Variants in RALYL observed in about 807,000 individuals in gnomAD.
RALYL encodes RALY RNA binding protein like.
A neutral mutation model predicts 35.1 loss-of-function variants in RALYL; 29 were observed. That is an observed-to-expected ratio of 0.83 (90% CI 0.61 to 1.13). RALYL has a LOEUF of 1.13. RALYL is among the 50% of genes most tolerant of loss of function. The probability of loss-of-function intolerance (pLI) is 0.00; values close to 1 mark genes in which losing one functional copy is unlikely to be tolerated. For missense variants in RALYL, 359 were observed against 360.4 expected, an observed-to-expected ratio of 1.00 and a Z score of 0.03; for synonymous variants, 120 against 127.6, an observed-to-expected ratio of 0.94 and a Z score of 0.40.
chr8:84,539,854 G>T, intron 2 of RALYL, among the ~76,000 whole-genome samples: 1 of 24,202 alleles, frequency 4.1e-5, no homozygotes, highest in Non-Finnish European at 1.1e-4. Context: ...ATATATATAT[G>T]TATATATATA....
chr8:84,214,565 A>G (rs1420871306), intron 1 of RALYL, among the ~76,000 whole-genome samples: 1 of 152,168 alleles, frequency 6.6e-6, no homozygotes, highest in African/African-American at 2.4e-5. Flanking sequence ...AATTTTTCAA[A>G]TACTGTGAGA....
At chr8:84,641,788 T>TAAAAAA (rs59556525) in intron 2 of RALYL, among the ~76,000 whole-genome samples, 1 of 119,218 alleles carries the variant, frequency 8.4e-6, no homozygotes, top group Non-Finnish European at 1.8e-5. Flanking sequence ...GTCTTATTTG[T>TAAAAAA]AAAAAAAAAA....
chr8:84,516,028 G>C, intron 1 of RALYL, among the ~76,000 whole-genome samples: 1 of 149,452 alleles, frequency 6.7e-6, no homozygotes, highest in Non-Finnish European at 1.5e-5. Context: ...GGTAGGGGGC[G>C]GTGTGGGGTG....
chr8:84,226,157 T>C (rs1006611310), intron 1 of RALYL, among the ~76,000 whole-genome samples: 3 of 152,132 alleles, frequency 2.0e-5, no homozygotes, highest in African/African-American at 7.2e-5. Context: ...CATAGGAGCG[T>C]GAACCCTATT....
At chr8:84,228,154 C>CAAAA (rs57543989) in intron 1 of RALYL, among the ~76,000 whole-genome samples, 3 of 123,786 alleles carry the variant, frequency 2.4e-5, no homozygotes, top group Non-Finnish European at 5.3e-5. Flanking sequence ...AATAGTCTAG[C>CAAAA]AAAAAAAAAA....
chr8:84,570,349 A>T (rs1946049157), intron 2 of RALYL, among the ~76,000 whole-genome samples: 1 of 151,490 alleles, frequency 6.6e-6, no homozygotes, highest in Non-Finnish European at 1.5e-5. Flanking sequence ...ACTATTGTAA[A>T]TGGGATTGAG....
intron 6 of RALYL, among the ~76,000 whole-genome samples, chr8:84,869,248 A>G (rs1024403578): frequency 1.3e-5 from 2 of 152,236 alleles, no homozygotes; most frequent in Non-Finnish European, 2.9e-5. Context: ...TGCATATCAC[A>G]TGACTTTGGG....
intron 1 of RALYL, among the ~76,000 whole-genome samples, chr8:84,516,051 G>C (rs1171590432): frequency 6.6e-6 from 1 of 151,594 alleles, no homozygotes; most frequent in Admixed American, 6.6e-5. Context: ...GCTGAGAGTG[G>C]GAGAGGTGGG....
intron 2 of RALYL, among the ~76,000 whole-genome samples, chr8:84,547,361 T>A (rs2135372538): frequency 6.6e-6 from 1 of 152,114 alleles, no homozygotes; most frequent in Non-Finnish European, 1.5e-5. Flanking sequence ...GTTATTTTTT[T>A]TCTTTCTTTT....
At chr8:84,694,683 C>A (rs781323767) in intron 2 of RALYL, among the ~76,000 whole-genome samples, 2 of 151,812 alleles carry the variant, frequency 1.3e-5, no homozygotes, top group East Asian at 1.9e-4. Context: ...CTGGAAGCAT[C>A]ATTTTACCTA....
rs77085067 is a variant in RALYL, at chr8:84,830,028, G to A, written c.366-19952G>A. On this transcript the variant is annotated intron_variant, in intron 4 of 8. Transcript: ENST00000521268. ...TTCAGCACTATACTGGGGGGGGGGGGGCATTTTAAGCTGCAAAATCACCAA... is the reference window on the plus strand; with the variant it reads ...TTCAGCACTATACTGGGGGGGGGGGAGCATTTTAAGCTGCAAAATCACCAA... Among the ~76,000 whole-genome samples, 119 of 115,080 alleles carry A rather than the reference G, an allele frequency of 1.0e-3. 2 individuals are homozygous for A. The highest frequency in any genetic ancestry group is 3.6e-3 in the African/African-American group (114 of 32,080). 75.5% of individuals were successfully genotyped at this position (115,080 alleles called of 152,430 possible).
intron 2 of RALYL, among the ~76,000 whole-genome samples, chr8:84,650,771 A>G (rs1370560168): frequency 6.6e-6 from 1 of 151,868 alleles, no homozygotes; most frequent in Non-Finnish European, 1.5e-5. Context: ...ACACATGCAC[A>G]CGTATGTTTA....
At chr8:84,423,693 G>A (rs1277727912) in intron 1 of RALYL, among the ~76,000 whole-genome samples, 4,364 of 151,642 alleles carry the variant, frequency 0.029, 240 homozygotes, top group African/African-American at 0.099. Context: ...GGTACCGGTT[G>A]TTCCTTTCCA....
chr8:84,346,135 G>C (rs1849787154), intron 1 of RALYL: 8 of 873,180 alleles, frequency 9.2e-6, no homozygotes, highest in Non-Finnish European at 1.1e-5. Context: ...CCCTTGGCGA[G>C]GTGCCTGGCT....
intron 1 of RALYL, among the ~76,000 whole-genome samples, chr8:84,225,411 C>T (rs10101998): frequency 0.38 from 57,497 of 152,004 alleles, 11,122 homozygotes; most frequent in Non-Finnish European, 0.43. Context: ...TTTTCATTAC[C>T]CTTAGAACAA....
chr8:84,193,640 A>G (rs2130903545), intron 1 of RALYL, among the ~76,000 whole-genome samples: 1 of 152,284 alleles, frequency 6.6e-6, no homozygotes, highest in Non-Finnish European at 1.5e-5. Context: ...ATTAACTGGT[A>G]TGGAGATAGG....
intron 2 of RALYL, among the ~76,000 whole-genome samples, chr8:84,684,976 A>G (rs1836445921): frequency 6.6e-6 from 1 of 152,124 alleles, no homozygotes; most frequent in South Asian, 2.1e-4. Context: ...GGCAGTCGCC[A>G]TTTTGCTGTG....
chr8:84,218,623 A>T (rs1158468838), intron 1 of RALYL, among the ~76,000 whole-genome samples: 1 of 151,858 alleles, frequency 6.6e-6, no homozygotes, highest in Non-Finnish European at 1.5e-5. Context: ...GTGAGGTTTC[A>T]CTCCCTCTGA....
chr8:84,361,589 T>C (rs932596943), intron 1 of RALYL, among the ~76,000 whole-genome samples: 1 of 152,176 alleles, frequency 6.6e-6, no homozygotes, highest in African/African-American at 2.4e-5. Context: ...GGCTGAAGTT[T>C]TTGTTTTTAA....
Sources: allele counts gnomAD v4.1 joint callset (sites outside exome capture counted in the v4.1 genomes callset), GRCh38; gene constraint gnomAD v4.1.1; transcripts MANE v1.5; gene names NCBI Gene and HGNC (gene_info 2026-07-23, HGNC 2026-07-21).